PTPRO: variants seen among roughly 807,000 people sequenced by gnomAD.
PTPRO encodes receptor-type tyrosine-protein phosphatase O.
In PTPRO, 62 loss-of-function variants were observed where a neutral mutation model predicts 145.2. That is an observed-to-expected ratio of 0.43 (90% CI 0.35 to 0.53). The LOEUF (loss-of-function observed/expected upper bound fraction) is 0.53. Ranked by LOEUF, PTPRO falls within the 20% of genes least tolerant of loss-of-function variation. The pLI, the probability that PTPRO is intolerant of heterozygous loss-of-function variation, is 0.01. For synonymous variants in PTPRO, 565 were observed against 514.7 expected (o/e 1.10, Z -1.32); for missense variants, 1,345 against 1,482.7 (o/e 0.91, Z 1.53).
chr12:15,464,324 G>A (rs1258302600), intron 1 of PTPRO, among the ~76,000 whole-genome samples: 5 of 151,940 alleles, frequency 3.3e-5, no homozygotes, highest in South Asian at 2.1e-4. Context: ...AAAATGCTGC[G>A]TGCTATGACT....
chr12:15,344,140 AAAT>A (rs1867113158), intron 1 of PTPRO, among the ~76,000 whole-genome samples: 2 of 152,318 alleles, frequency 1.3e-5, no homozygotes, highest in South Asian at 4.1e-4. Flanking sequence ...AGAACACAAG[AAAT>A]AATAATGAGA....
intron 1 of PTPRO, among the ~76,000 whole-genome samples, chr12:15,473,520 C>T (rs1941586855): frequency 6.6e-6 from 1 of 152,142 alleles, no homozygotes; most frequent in South Asian, 2.1e-4. Flanking sequence ...AATCCCAGCA[C>T]TTTGAGAGTC....
chr12:15,579,921 AATT>A lies in PTPRO; in HGVS notation c.2921-112_2921-110del, dbSNP rs1363682930. ...AGAATAGCTAAAATATCAGGCTAAA[AATT>A]ATTATCTGCCTACTCTGTCACTGAC... is the stretch of plus-strand genomic sequence containing the variant. On this transcript the variant is annotated intron_variant, in intron 20 of 26. Transcript: ENST00000281171. The A allele has an allele frequency of 3.2e-5, 25 of 783,774 alleles. No individual in the cohort carries two copies. The African/African-American group carries it at 3.5e-4, about 11-fold the overall frequency. The allele number at this position is 783,774 out of a possible 1,614,324, so 48.6% of individuals were successfully genotyped here. A position where few individuals can be genotyped will look rare whatever the true frequency, so the allele number is the denominator to read the frequency against.
chr12:15,433,514 C>T (rs1271885557), intron 1 of PTPRO, among the ~76,000 whole-genome samples: 1 of 152,112 alleles, frequency 6.6e-6, no homozygotes, highest in African/African-American at 2.4e-5. Flanking sequence ...GTCTTTAATC[C>T]ATCTTGAGTT....
At chr12:15,539,899 G>A (rs754347233) in intron 12 of PTPRO, among the ~76,000 whole-genome samples, 2 of 149,612 alleles carry the variant, frequency 1.3e-5, no homozygotes, top group Non-Finnish European at 3.0e-5. Flanking sequence ...GTGTTTTCAG[G>A]TGCTAAATAT....
intron 1 of PTPRO, among the ~76,000 whole-genome samples, chr12:15,339,147 G>C (rs548307586): frequency 2.6e-5 from 4 of 152,270 alleles, no homozygotes; most frequent in African/African-American, 9.6e-5. Flanking sequence ...AGGGAGCACT[G>C]ATTTCATGAA....
intron 1 of PTPRO, among the ~76,000 whole-genome samples, chr12:15,371,088 T>A (rs998200493): frequency 6.6e-6 from 1 of 152,210 alleles, no homozygotes; most frequent in Non-Finnish European, 1.5e-5. Flanking sequence ...CTTTTTCTAG[T>A]TAGTGAGTTA....
intron 1 of PTPRO, among the ~76,000 whole-genome samples, chr12:15,394,546 C>A (rs1939283439): frequency 6.6e-6 from 1 of 152,122 alleles, no homozygotes; most frequent in African/African-American, 2.4e-5. Context: ...TATTCATAGG[C>A]TGAACAAGAA....
intron 3 of PTPRO, among the ~76,000 whole-genome samples, chr12:15,497,724 C>T (rs1024541306): frequency 1.3e-5 from 2 of 152,164 alleles, no homozygotes; most frequent in Non-Finnish European, 2.9e-5. Context: ...CACAAGTAAC[C>T]GTTTCTTTCT....
At chr12:15,343,406 G>A (rs770755400) in intron 1 of PTPRO, among the ~76,000 whole-genome samples, 27 of 152,096 alleles carry the variant, frequency 1.8e-4, no homozygotes, top group Non-Finnish European at 3.4e-4. Flanking sequence ...AAATTTAAAG[G>A]CTGGACGCGG....
In PTPRO at chr12:15,424,806, AG is replaced by A. The variant is rs141150531; in HGVS notation, c.76-59166del. Reference sequence around the variant, plus strand: ...TTTCAGCAAGTATGTAGAGTGTTTAAGGACTGATTGACAGGTCAACGTGGCC... The same window carrying A: ...TTTCAGCAAGTATGTAGAGTGTTTAAGACTGATTGACAGGTCAACGTGGCC... On this transcript the variant is annotated intron_variant, in intron 1 of 26. Coordinates refer to ENST00000281171, the MANE Select transcript of PTPRO (RefSeq NM_030667.3). Among the ~76,000 whole-genome samples, 493 of 152,176 alleles carry A rather than the reference AG, an allele frequency of 3.2e-3. 1 individual carries two copies. Among genetic ancestry groups the A allele is most frequent in the African/African-American group, 0.011 (476 of 41,536 alleles).
At chr12:15,524,177 A>G (rs903197322) in intron 10 of PTPRO, among the ~76,000 whole-genome samples, 2 of 150,330 alleles carry the variant, frequency 1.3e-5, no homozygotes, top group Admixed American at 6.6e-5. Flanking sequence ...AAAAAAAAAA[A>G]CTTGTTCTTC....
rs543578663 is a variant in PTPRO, at chr12:15,546,779, T to A, written c.2304+71T>A. 26 of 1,564,020 alleles carry A rather than the reference T, an allele frequency of 1.7e-5. No individual in the cohort carries two copies. The East Asian group carries it at 4.5e-4, about 27-fold the overall frequency. Reference sequence around the variant, plus strand: ...GCTAATTATCTGGGCAAAATAAGAATCTTCTATTTCTTTGAGCTATATAAA... The same window carrying A: ...GCTAATTATCTGGGCAAAATAAGAAACTTCTATTTCTTTGAGCTATATAAA... On this transcript the variant is annotated intron_variant, in intron 13 of 26. Coordinates refer to ENST00000281171, the MANE Select transcript of PTPRO (RefSeq NM_030667.3).
intron 1 of PTPRO, among the ~76,000 whole-genome samples, chr12:15,481,463 A>G (rs1441043623): frequency 6.6e-5 from 10 of 152,184 alleles, no homozygotes; most frequent in Non-Finnish European, 1.3e-4. Context: ...CAAGATGTTT[A>G]TTTTGTTTAT....
intron 6 of PTPRO, among the ~76,000 whole-genome samples, chr12:15,507,089 A>G (rs1191987881): frequency 1.3e-5 from 2 of 152,144 alleles, no homozygotes; most frequent in African/African-American, 4.8e-5. Context: ...GTGAGATTTA[A>G]TAAAAGTACT....
At chr12:15,557,126 T>A (rs1392536405) in intron 15 of PTPRO, among the ~76,000 whole-genome samples, 1 of 151,694 alleles carries the variant, frequency 6.6e-6, no homozygotes, top group Non-Finnish European at 1.5e-5. Flanking sequence ...CCACAACCTC[T>A]GTCTCCCAGG....
intron 12 of PTPRO, among the ~76,000 whole-genome samples, chr12:15,544,359 G>T (rs1317125945): frequency 6.6e-6 from 1 of 151,768 alleles, no homozygotes; most frequent in Non-Finnish European, 1.5e-5. Flanking sequence ...AAAAAAATTA[G>T]CTGGGCATGG....
intron 6 of PTPRO, among the ~76,000 whole-genome samples, chr12:15,507,681 T>C (rs1358614638): frequency 6.6e-6 from 1 of 152,202 alleles, no homozygotes; most frequent in East Asian, 1.9e-4. Flanking sequence ...ATCTCTTTAC[T>C]ATAATTACTA....
intron 22 of PTPRO, among the ~76,000 whole-genome samples, 197 bp downstream of exon 22, chr12:15,581,028 G>GA (rs1269321150): frequency 2.0e-5 from 3 of 151,962 alleles, no homozygotes; most frequent in Non-Finnish European, 4.4e-5. Context: ...ATGTCTAAAG[G>GA]AAAAAAGAGA....
Sources: gnomAD v4.1 joint callset for allele counts (sites outside exome capture counted in the v4.1 genomes callset) on GRCh38, gnomAD v4.1.1 for gene constraint, MANE v1.5 for transcripts, NCBI Gene and HGNC (gene_info 2026-07-23, HGNC 2026-07-21) for gene names.